PDE10A: variants seen among roughly 807,000 people sequenced by gnomAD.
The protein encoded by PDE10A is cAMP and cAMP-inhibited cGMP 3',5'-cyclic phosphodiesterase 10A.
Under a neutral mutation model 97.7 loss-of-function variants are expected in PDE10A, and 39 were observed. The ratio of observed to expected loss-of-function variants is 0.40; its 90% CI spans 0.31 to 0.52. PDE10A has a LOEUF of 0.52. PDE10A is among the 20% of genes least tolerant of loss of function. PDE10A has a pLI of 0.56. For missense variants in PDE10A, 731 were observed against 1,047.8 expected, an observed-to-expected ratio of 0.70 and a Z score of 4.17; for synonymous variants, 371 against 376.8, an observed-to-expected ratio of 0.98 and a Z score of 0.18.
At chr6:165,334,454 C>T (rs530798054) in intron 21 of PDE10A, among the ~76,000 whole-genome samples, 1 of 148,706 alleles carries the variant, frequency 6.7e-6, no homozygotes, top group African/African-American at 2.5e-5. Context: ...GCGCCGGGCA[C>T]ACGCCTCCAT....
intron 1 of PDE10A, among the ~76,000 whole-genome samples, chr6:165,739,511 T>C (rs1792666110): frequency 6.6e-6 from 1 of 151,900 alleles, no homozygotes; most frequent in South Asian, 2.1e-4. Flanking sequence ...AAGACTTAAA[T>C]GTAAGATCTG....
intron 6 of PDE10A, among the ~76,000 whole-genome samples, chr6:165,433,520 T>G (rs180730153): frequency 5.9e-4 from 90 of 152,306 alleles, no homozygotes; most frequent in African/African-American, 2.1e-3. Flanking sequence ...AAACACTATG[T>G]GAAGAAAATT....
intron 18 of PDE10A, among the ~76,000 whole-genome samples, chr6:165,345,919 T>A (rs970670092): frequency 5.9e-5 from 9 of 152,140 alleles, no homozygotes; most frequent in Admixed American, 5.9e-4. Flanking sequence ...CGTGAAGATC[T>A]GGGAGGAAGG....
chr6:165,874,623 A>T (rs1336094097), intron 1 of PDE10A, among the ~76,000 whole-genome samples: 1 of 152,278 alleles, frequency 6.6e-6, no homozygotes. Context: ...AATGTTAAAC[A>T]GTATGTGTTT....
chr6:165,686,264 C>T (rs1271564857), intron 1 of PDE10A, among the ~76,000 whole-genome samples: 1 of 152,134 alleles, frequency 6.6e-6, no homozygotes, highest in African/African-American at 2.4e-5. Context: ...CATTCAGAGT[C>T]TCAACCTTCA....
chr6:165,693,548 A>AT (rs1222845857), intron 1 of PDE10A, among the ~76,000 whole-genome samples: 1 of 151,076 alleles, frequency 6.6e-6, no homozygotes, highest in Non-Finnish European at 1.5e-5. Context: ...AAAAAAAAAA[A>AT]AAAACCGAGT....
intron 17 of PDE10A, among the ~76,000 whole-genome samples, chr6:165,385,889 C>T (rs778347772): frequency 5.3e-5 from 8 of 152,156 alleles, no homozygotes; most frequent in Non-Finnish European, 8.8e-5. Flanking sequence ...CATCTGAATT[C>T]GCAGCAATCC....
intron 1 of PDE10A, among the ~76,000 whole-genome samples, chr6:165,627,553 TG>T (rs1788444209): frequency 6.6e-6 from 1 of 152,106 alleles, no homozygotes. Context: ...CCAAGCTCTG[TG>T]GATGCCCTGC....
At chr6:165,482,148 A>T (rs1022566173) in intron 3 of PDE10A, among the ~76,000 whole-genome samples, 167 bp downstream of exon 3, 1 of 152,120 alleles carries the variant, frequency 6.6e-6, no homozygotes, top group Non-Finnish European at 1.5e-5. Context: ...TTCAATTTGC[A>T]CCCTCTCTAC....
At chr6:165,911,842 A>C (rs967256219) in intron 1 of PDE10A, among the ~76,000 whole-genome samples, 6 of 152,300 alleles carry the variant, frequency 3.9e-5, no homozygotes, top group African/African-American at 1.4e-4. Flanking sequence ...GGGAGAGGTC[A>C]TTCATTTCCA....
At chr6:165,945,711 G>C (rs1328192382) in intron 1 of PDE10A, among the ~76,000 whole-genome samples, 2 of 152,228 alleles carry the variant, frequency 1.3e-5, no homozygotes, top group African/African-American at 4.8e-5. Flanking sequence ...CTGAGAAATA[G>C]ATTTCTGTTG....
intron 1 of PDE10A, among the ~76,000 whole-genome samples, chr6:165,888,049 C>T (rs1781677041): frequency 6.6e-6 from 1 of 152,120 alleles, no homozygotes; most frequent in Admixed American, 6.5e-5. Flanking sequence ...GATGCTCGCT[C>T]CTTAAGGTCT....
At chr6:165,829,507 G>A (rs1277708547) in intron 1 of PDE10A, among the ~76,000 whole-genome samples, 1 of 152,254 alleles carries the variant, frequency 6.6e-6, no homozygotes, top group African/African-American at 2.4e-5. Flanking sequence ...GTACTAAGAT[G>A]AGGCCCCCAT....
chr6:165,744,435 A>C (rs1792798918), intron 1 of PDE10A, among the ~76,000 whole-genome samples: 1 of 152,166 alleles, frequency 6.6e-6, no homozygotes. Context: ...GTTTAATTCT[A>C]AATTGTTTTG....
intron 2 of PDE10A, among the ~76,000 whole-genome samples, chr6:165,534,439 CT>C (rs1782959340): frequency 6.6e-6 from 1 of 151,854 alleles, no homozygotes; most frequent in Non-Finnish European, 1.5e-5. Context: ...TACTTTCAAA[CT>C]CATTCTATGA....
At chr6:165,377,690 G>A (rs956976043) in intron 18 of PDE10A, among the ~76,000 whole-genome samples, 5 of 151,980 alleles carry the variant, frequency 3.3e-5, no homozygotes, top group Non-Finnish European at 4.4e-5. Flanking sequence ...GGAAACCAAG[G>A]GATATTTCAT....
At chr6:165,395,973 T>C (rs1455287671) in intron 14 of PDE10A, among the ~76,000 whole-genome samples, 1 of 152,208 alleles carries the variant, frequency 6.6e-6, no homozygotes, top group Non-Finnish European at 1.5e-5. Flanking sequence ...TAAATTTATA[T>C]GGAAATGAGA....
chr6:165,473,371 A>T (rs1779120483), intron 3 of PDE10A, among the ~76,000 whole-genome samples: 1 of 152,170 alleles, frequency 6.6e-6, no homozygotes, highest in Non-Finnish European at 1.5e-5. Flanking sequence ...ATTTTAACTG[A>T]ATTAATGTAG....
intron 1 of PDE10A, among the ~76,000 whole-genome samples, chr6:165,733,713 T>G (rs1792495295): frequency 6.6e-6 from 1 of 152,158 alleles, no homozygotes; most frequent in Non-Finnish European, 1.5e-5. Flanking sequence ...AGGAGAAAAT[T>G]AAACTGTTCT....
Sources: allele counts gnomAD v4.1 joint callset (sites outside exome capture counted in the v4.1 genomes callset), GRCh38; gene constraint gnomAD v4.1.1; transcripts MANE v1.5; gene names NCBI Gene and HGNC (gene_info 2026-07-23, HGNC 2026-07-21).